OPCML: variants seen among roughly 807,000 people sequenced by gnomAD.
OPCML encodes the protein opioid binding protein/cell adhesion molecule like.
OPCML carries 13 observed loss-of-function variants against 37.8 expected under a neutral mutation model. The observed-to-expected ratio is 0.34, with a 90% CI of 0.22 to 0.55. The LOEUF is 0.55. Among genes scored for constraint, OPCML ranks in the 20% least tolerant of loss-of-function variants. The pLI is 0.91. For missense variants in OPCML, 341 were observed against 435.6 expected, an observed-to-expected ratio of 0.78 and a Z score of 1.93; for synonymous variants, 176 against 168.8, an observed-to-expected ratio of 1.04 and a Z score of -0.33.
intron 4 of OPCML, among the ~76,000 whole-genome samples, chr11:132,441,349 T>C (rs528270229): frequency 1.2e-3 from 182 of 150,828 alleles, no homozygotes; most frequent in African/African-American, 4.4e-3. Flanking sequence ...TTTGTATTTT[T>C]AGTAGAGACG....
At chr11:132,582,783 A>C (rs2096464685) in intron 3 of OPCML, among the ~76,000 whole-genome samples, 1 of 152,068 alleles carries the variant, frequency 6.6e-6, no homozygotes, top group South Asian at 2.1e-4. Flanking sequence ...TGCAGGCAGC[A>C]AAACGAATCA....
intron 1 of OPCML, among the ~76,000 whole-genome samples, chr11:133,481,128 T>C (rs961706207): frequency 3.5e-4 from 54 of 152,208 alleles, no homozygotes; most frequent in African/African-American, 1.3e-3. Flanking sequence ...CATATATGAC[T>C]GTGAAGTTGT....
chr11:133,289,594 C>CAAAAA (rs1229577687), intron 1 of OPCML, among the ~76,000 whole-genome samples: 79 of 52,276 alleles, frequency 1.5e-3, no homozygotes, highest in African/African-American at 5.8e-3. Context: ...GACTCCATCT[C>CAAAAA]AAAAAAAAAA....
rs758329751 is a variant in OPCML at position 132,657,095 on chromosome 11, A to G, written c.371T>C (p.Ile124Thr). The G allele has an allele frequency of 5.6e-6, 9 of 1,614,168 alleles. No homozygotes were observed. In the Admixed American group the frequency reaches 1.5e-4, roughly 27 times the overall value. Residue 124 changes from isoleucine to threonine, a missense_variant, in exon 3 of 8, where the codon ATA (isoleucine) becomes ACA (threonine). Ile to Thr is a moderately conservative substitution (Grantham distance 89). Transcript: ENST00000524381. The part of the protein sequence containing the change: ...NHPKTSRVHL[I>T]VQVPPQIMNI... ...ATCCAGCTGGGACTTACCTTGCACT[A>G]TTAGGTGAACCCGGGACGTTTTGGG...
chr11:133,307,102 C>T (rs987082599), intron 1 of OPCML, among the ~76,000 whole-genome samples: 3 of 152,132 alleles, frequency 2.0e-5, no homozygotes, highest in Non-Finnish European at 2.9e-5. Context: ...CGCTGTTCCT[C>T]CCCTCCTTCC....
chr11:132,597,155 G>A (rs1463579204), intron 3 of OPCML, among the ~76,000 whole-genome samples: 4 of 152,182 alleles, frequency 2.6e-5, no homozygotes, highest in African/African-American at 4.8e-5. Flanking sequence ...GCCACTTTGT[G>A]AACTCTAAAC....
At chr11:133,389,823 C>T (rs1377725588) in intron 1 of OPCML, among the ~76,000 whole-genome samples, 1 of 152,162 alleles carries the variant, frequency 6.6e-6, no homozygotes, top group Non-Finnish European at 1.5e-5. Context: ...TGGTGCATAG[C>T]ACATGGGTAA....
At chr11:133,454,238 C>G (rs1946632591) in intron 1 of OPCML, among the ~76,000 whole-genome samples, 1 of 152,122 alleles carries the variant, frequency 6.6e-6, no homozygotes, top group Non-Finnish European at 1.5e-5. Context: ...TTCATATAAA[C>G]CTATTGGTTG....
chr11:133,146,611 C>A (rs1949901296), intron 1 of OPCML, among the ~76,000 whole-genome samples: 1 of 151,894 alleles, frequency 6.6e-6, no homozygotes, highest in Non-Finnish European at 1.5e-5. Flanking sequence ...ACGTGCCTGG[C>A]CATGCTAGGC....
chr11:132,435,147 T>G, intron 7 of OPCML: 3 of 1,273,534 alleles, frequency 2.4e-6, no homozygotes, highest in Non-Finnish European at 3.1e-6. Context: ...GGAAGGAACA[T>G]GCTGTACCCA....
chr11:132,910,858 A>G (rs2725429), intron 2 of OPCML, among the ~76,000 whole-genome samples: 13,004 of 152,208 alleles, frequency 0.085, 658 homozygotes, highest in Middle Eastern at 0.17. Context: ...AACCCTCAGG[A>G]CCATTGTGGC....
intron 3 of OPCML, among the ~76,000 whole-genome samples, chr11:132,578,980 GA>G (rs1192739497): frequency 9.1e-5 from 13 of 142,108 alleles, no homozygotes; most frequent in East Asian, 4.1e-4. Flanking sequence ...ATATTGGAAA[GA>G]AAAAAAAAAG....
At chr11:133,230,139 A>G (rs144457890) in intron 1 of OPCML, among the ~76,000 whole-genome samples, 1 of 152,344 alleles carries the variant, frequency 6.6e-6, no homozygotes, top group Non-Finnish European at 1.5e-5. Context: ...TTTAGTTCCA[A>G]GGACACAGTT....
intron 1 of OPCML, among the ~76,000 whole-genome samples, chr11:133,321,188 A>G (rs1031803179): frequency 6.6e-6 from 1 of 152,118 alleles, no homozygotes; most frequent in African/African-American, 2.4e-5. Flanking sequence ...AAAACCCATA[A>G]TGTATTCCTT....
chr11:132,690,345 G>A (rs933598166), intron 2 of OPCML, among the ~76,000 whole-genome samples: 1 of 152,186 alleles, frequency 6.6e-6, no homozygotes, highest in Non-Finnish European at 1.5e-5. Flanking sequence ...TAGCTGAAGT[G>A]GGGCCAGAGT....
chr11:132,567,138 C>T lies in OPCML; in HGVS notation c.380-37952G>A, dbSNP rs529521492. On this transcript the variant is annotated intron_variant, in intron 3 of 7. Transcript: ENST00000524381. ...TGAGTACAGTAAGGACACAGACAGT[C>T]CTCCTGCTCACCACCCCTTGCCTCT... Among the ~76,000 whole-genome samples, 97 of 118,146 alleles carry T rather than the reference C, an allele frequency of 8.2e-4. 2 individuals are homozygous for T. In the South Asian group the frequency reaches 0.018, roughly 22 times the overall value. 77.5% of individuals were successfully genotyped at this position (118,146 alleles called of 152,430 possible).
chr11:132,459,554 G>C (rs555477601), intron 4 of OPCML, among the ~76,000 whole-genome samples: 1 of 149,290 alleles, frequency 6.7e-6, no homozygotes, highest in South Asian at 2.1e-4. Flanking sequence ...TATAGATAGA[G>C]AGAGAGAAAG....
At chr11:133,274,848 G>C (rs1941948476) in intron 1 of OPCML, among the ~76,000 whole-genome samples, 1 of 152,210 alleles carries the variant, frequency 6.6e-6, no homozygotes, top group South Asian at 2.1e-4. Context: ...AGAAGACAAA[G>C]AGACAGAGAG....
chr11:133,337,664 T>C (rs1023228694), intron 1 of OPCML, among the ~76,000 whole-genome samples: 1 of 152,200 alleles, frequency 6.6e-6, no homozygotes, highest in African/African-American at 2.4e-5. Context: ...ACCAGGGCAC[T>C]TTTACAGCAG....
Sources: allele counts gnomAD v4.1 joint callset (sites outside exome capture counted in the v4.1 genomes callset), GRCh38; gene constraint gnomAD v4.1.1; transcripts MANE v1.5; gene names NCBI Gene and HGNC (gene_info 2026-07-23, HGNC 2026-07-21).